PNPLA7: variants seen among roughly 807,000 people sequenced by gnomAD.
PNPLA7 encodes the protein patatin-like phospholipase domain-containing protein 7.
A neutral mutation model predicts 161.7 loss-of-function variants in PNPLA7; 153 were observed. The observed-to-expected ratio is 0.95, with a 90% CI of 0.83 to 1.08. The LOEUF (loss-of-function observed/expected upper bound fraction) is 1.08. Ranked by LOEUF, PNPLA7 falls within the 50% of genes least tolerant of loss-of-function variation. The pLI is 0.00. For synonymous variants in PNPLA7, 809 were observed against 782.1 expected, an observed-to-expected ratio of 1.03 and a Z score of -0.57; for missense variants, 1,739 against 1,856.6, an observed-to-expected ratio of 0.94 and a Z score of 1.16.
intron 32 of PNPLA7, 42 bp downstream of exon 32, chr9:137,461,889 G>A: frequency 5.5e-6 from 8 of 1,455,644 alleles, no homozygotes; most frequent in East Asian, 2.5e-5. Flanking sequence ...AGAACTGGGC[G>A]CGGTCCGGGG....
chr9:137,501,790 G>A, intron 14 of PNPLA7, 63 bp from the exon 15 acceptor site: 1 of 1,524,524 alleles, frequency 6.6e-7, no homozygotes, highest in Non-Finnish European at 9.0e-7. Context: ...CCAGAGAACA[G>A]AGGCTGCACT....
intron 34 of PNPLA7, 44 bp downstream of exon 34, chr9:137,460,590 G>A (rs758945668): frequency 1.3e-6 from 2 of 1,599,686 alleles, no homozygotes; most frequent in African/African-American, 2.7e-5. Context: ...CAGGCACCAA[G>A]GCTCAGCTGT....
chr9:137,550,037 A>T, intron 1 of PNPLA7, 131 bp downstream of exon 1: 2 of 1,094,074 alleles, frequency 1.8e-6, no homozygotes, highest in Non-Finnish European at 2.8e-6. Flanking sequence ...CACCACTCCC[A>T]CAGTCCTCAG....
At chr9:137,492,879 A>G (rs1832846254) in intron 20 of PNPLA7, 134 bp downstream of exon 20, 1 of 687,206 alleles carries the variant, frequency 1.5e-6, no homozygotes, top group South Asian at 1.7e-5. Flanking sequence ...GGGAAGGGCC[A>G]TGGACTGGGT....
At position 137,462,059 on chromosome 9, in the gene PNPLA7, G is replaced by A; in HGVS notation, c.3646-18C>T. On this transcript the variant is annotated intron_variant, in intron 31 of 34. Transcript: ENST00000406427. ...CCCACTTCCTGTGCACACCCCCAGG[G>A]CCCCGTCAGGAGGTGTGGGGAGCCC... is the stretch of plus-strand genomic sequence containing the variant. 6.4e-7 allele frequency: 1 copy of A among 1,561,310 alleles called. No homozygotes were observed. Among genetic ancestry groups the A allele is most frequent in the African/African-American group, 1.4e-5 (1 of 73,796 alleles).
intron 4 of PNPLA7, among the ~76,000 whole-genome samples, chr9:137,545,677 A>C (rs1189033309): frequency 6.6e-6 from 1 of 152,202 alleles, no homozygotes; most frequent in African/African-American, 2.4e-5. Context: ...ATATTATAAT[A>C]ATCCTCACTC....
Position 137,479,162 on chromosome 9 carries a change from G to GC in PNPLA7, c.2656dup (p.Ala886GlyfsTer112). 1 of 1,572,358 alleles carries GC rather than the reference G, an allele frequency of 6.4e-7. No homozygotes were observed. The highest frequency in any genetic ancestry group is 8.6e-7 in the Non-Finnish European group (1 of 1,160,102). ...GAGCCACTCCACGGTGCGCGCTGGC[G>GC]CCGGGCCCTCCTCCCTGTGCAGCAG... On this transcript the variant is annotated frameshift_variant, in exon 24 of 35. Coordinates refer to ENST00000406427, the MANE Select transcript of PNPLA7 (RefSeq NM_001098537.3). LOFTEE classifies it high-confidence loss of function.
Position 137,520,467 on chromosome 9 carries a change from G to T in PNPLA7, c.958-424C>A, listed in dbSNP as rs1337896108. Among the ~76,000 whole-genome samples the T allele has an allele frequency of 2.0e-5, 3 of 152,174 alleles. No individual in the cohort carries two copies. The highest frequency in any genetic ancestry group is 4.8e-5 in the African/African-American group (2 of 41,440). ...CAAAAGATAATGTAGAAAACAAAAA[G>T]ATATTCCCTTAATGTCAACAACTGA... On this transcript the variant is annotated intron_variant, in intron 10 of 34. Coordinates refer to ENST00000406427, the MANE Select transcript of PNPLA7 (RefSeq NM_001098537.3). The surrounding 1 kb of genome is among the most constrained non-coding windows in gnomAD (Gnocchi z 5.2).
At chr9:137,493,630 G>A (rs555403496) in intron 19 of PNPLA7, among the ~76,000 whole-genome samples, 4 of 152,380 alleles carry the variant, frequency 2.6e-5, no homozygotes, top group South Asian at 4.1e-4. Flanking sequence ...CCACAACAGC[G>A]GACCCACTGG....
chr9:137,498,363 A>C (rs1475315221), intron 16 of PNPLA7, 118 bp from the exon 17 acceptor site: 1 of 1,449,220 alleles, frequency 6.9e-7, no homozygotes, highest in East Asian at 2.4e-5. Context: ...GAAAGTAGAG[A>C]GACCACTGGC....
chr9:137,482,268 A>G (rs1218281116), intron 21 of PNPLA7, among the ~76,000 whole-genome samples: 1 of 152,234 alleles, frequency 6.6e-6, no homozygotes, highest in Non-Finnish European at 1.5e-5. Context: ...CTCTGTCCAC[A>G]CAGAAGCACG....
intron 25 of PNPLA7, among the ~76,000 whole-genome samples, chr9:137,471,959 T>C (rs1831726811): frequency 6.6e-6 from 1 of 152,106 alleles, no homozygotes; most frequent in Non-Finnish European, 1.5e-5. Flanking sequence ...GACTCCTCGA[T>C]GCCAAGACTG....
chr9:137,511,909 T>C (rs528828471), intron 12 of PNPLA7, among the ~76,000 whole-genome samples: 3 of 152,288 alleles, frequency 2.0e-5, no homozygotes, highest in East Asian at 1.9e-4. Flanking sequence ...AAAGGCCCCC[T>C]GTCACGTGGA....
chr9:137,495,587 A>G (rs550811307), intron 18 of PNPLA7, among the ~76,000 whole-genome samples: 2,436 of 152,076 alleles, frequency 0.016, 67 homozygotes, highest in African/African-American at 0.056. Context: ...GTGACCACAG[A>G]TGCCCACCAC....
At chr9:137,514,931 G>A (rs889743075) in intron 12 of PNPLA7, among the ~76,000 whole-genome samples, 11 of 152,268 alleles carry the variant, frequency 7.2e-5, no homozygotes, top group East Asian at 5.8e-4. Context: ...GGCTGTGGGC[G>A]GGTCACCCGG....
chr9:137,531,060 G>A (rs574585962), intron 8 of PNPLA7, among the ~76,000 whole-genome samples: 27 of 152,180 alleles, frequency 1.8e-4, no homozygotes, highest in Admixed American at 7.8e-4. Flanking sequence ...ATTTTGTTCC[G>A]TTCCTTTCAA....
intron 14 of PNPLA7, among the ~76,000 whole-genome samples, chr9:137,503,867 GGAAGGAA>G (rs1833710163): frequency 6.6e-4 from 1 of 1,504 alleles, no homozygotes; most frequent in African/African-American, 1.9e-3. Context: ...AGAAGGAGGA[GGAAGGAA>G]GAAGAAAGAA....
chr9:137,473,390 GAGT>G, intron 25 of PNPLA7, among the ~76,000 whole-genome samples: 1 of 152,150 alleles, frequency 6.6e-6, no homozygotes, highest in Non-Finnish European at 1.5e-5. Context: ...AGAAGATGAA[GAGT>G]ACCTCTGTGA....
chr9:137,490,390 T>C lies in PNPLA7; in HGVS notation c.2197+2623A>G, dbSNP rs1353885985. On this transcript the variant is annotated intron_variant, in intron 20 of 34. Coordinates refer to ENST00000406427, the MANE Select transcript of PNPLA7 (RefSeq NM_001098537.3). The surrounding 1 kb of genome is among the most constrained non-coding windows in gnomAD (Gnocchi z 4.1). The stretch of plus-strand genomic sequence containing the variant: ...GGGATGAGGTGTAAGACACTGTGCC[T>C]GGTCAAAACATTCTTGAACACAGCT... Among the ~76,000 whole-genome samples the C allele has an allele frequency of 6.6e-6, 1 of 152,216 alleles. No individual in the cohort carries two copies. Among genetic ancestry groups the C allele is most frequent in the Non-Finnish European group, 1.5e-5 (1 of 68,040 alleles).
Sources: allele counts gnomAD v4.1 joint callset (sites outside exome capture counted in the v4.1 genomes callset), GRCh38; gene constraint gnomAD v4.1.1; non-coding constraint Gnocchi (gnomAD v3.1); transcripts MANE v1.5; gene names NCBI Gene and HGNC (gene_info 2026-07-23, HGNC 2026-07-21).